NLGN1: variants seen among roughly 807,000 people sequenced by gnomAD.
NLGN1 encodes neuroligin 1.
A neutral mutation model predicts 65.5 loss-of-function variants in NLGN1; 12 were observed. The ratio of observed to expected loss-of-function variants is 0.18; its 90% CI spans 0.12 to 0.30. The LOEUF is 0.30. Ranked by LOEUF, NLGN1 falls within the 10% of genes least tolerant of loss-of-function variation. The pLI is 1.00. For missense variants in NLGN1, 750 were observed against 1,007.1 expected (o/e 0.74, Z 3.46); for synonymous variants, 350 against 359.5 (o/e 0.97, Z 0.30).
At chr3:173,882,634 T>G (rs1210049201) in intron 4 of NLGN1, among the ~76,000 whole-genome samples, 1 of 152,220 alleles carries the variant, frequency 6.6e-6, no homozygotes, top group Non-Finnish European at 1.5e-5. Context: ...CTTCGTCTTC[T>G]CTCTCAGCCT....
chr3:173,406,044 T>G (rs1321462883), intron 1 of NLGN1, among the ~76,000 whole-genome samples: 5 of 152,158 alleles, frequency 3.3e-5, no homozygotes, highest in African/African-American at 1.2e-4. Flanking sequence ...TAAGATTTAT[T>G]GTATCATATA....
At chr3:174,154,991 ATT>A (rs1332534104) in intron 4 of NLGN1, among the ~76,000 whole-genome samples, 4 of 62,044 alleles carry the variant, frequency 6.4e-5, no homozygotes, top group African/African-American at 2.8e-4. Flanking sequence ...TATATTATAT[ATT>A]ATATATATTT....
At chr3:173,704,697 C>T (rs1284123749) in intron 3 of NLGN1, among the ~76,000 whole-genome samples, 1 of 152,156 alleles carries the variant, frequency 6.6e-6, no homozygotes, top group Non-Finnish European at 1.5e-5. Flanking sequence ...TATTCTTAAT[C>T]AGTTAATGAT....
At chr3:174,200,353 A>G (rs116026548) in intron 4 of NLGN1, among the ~76,000 whole-genome samples, 1,760 of 152,348 alleles carry the variant, frequency 0.012, 21 homozygotes, top group African/African-American at 0.038. Flanking sequence ...TCTCAACTCT[A>G]TAACCTCAAT....
chr3:173,993,914 A>G (rs151059205), intron 4 of NLGN1, among the ~76,000 whole-genome samples: 186 of 151,982 alleles, frequency 1.2e-3, no homozygotes, highest in African/African-American at 4.3e-3. Flanking sequence ...ATATATGTAT[A>G]TGAGTGTGTG....
At chr3:174,121,661 TC>T (rs1717803818) in intron 4 of NLGN1, among the ~76,000 whole-genome samples, 1 of 152,220 alleles carries the variant, frequency 6.6e-6, no homozygotes, top group African/African-American at 2.4e-5. Flanking sequence ...TGCTTGAATA[TC>T]CAGTTCTCAT....
At chr3:173,671,104 T>C (rs1170450262) in intron 3 of NLGN1, among the ~76,000 whole-genome samples, 3 of 152,212 alleles carry the variant, frequency 2.0e-5, no homozygotes, top group African/African-American at 4.8e-5. Context: ...TAAATACTTA[T>C]GTGGCCAATC....
chr3:173,485,680 A>G (rs973983330), intron 2 of NLGN1, among the ~76,000 whole-genome samples: 2 of 152,162 alleles, frequency 1.3e-5, no homozygotes, highest in African/African-American at 4.8e-5. Context: ...ACTTTGAGGC[A>G]TCTTTTAAAA....
intron 1 of NLGN1, chr3:173,398,515 T>TTTAA (rs1168931239): frequency 6.6e-6 from 1 of 152,210 alleles, no homozygotes; most frequent in Non-Finnish European, 1.5e-5. Flanking sequence ...ACCACCTGAA[T>TTTAA]TTAAAATTAT....
chr3:174,122,016 G>A (rs1271304977), intron 4 of NLGN1, among the ~76,000 whole-genome samples: 3 of 152,068 alleles, frequency 2.0e-5, no homozygotes, highest in African/African-American at 7.2e-5. Flanking sequence ...CATATATGTG[G>A]AAAATTTTTC....
At chr3:173,833,663 C>T (rs568558361) in intron 4 of NLGN1, among the ~76,000 whole-genome samples, 2 of 152,162 alleles carry the variant, frequency 1.3e-5, no homozygotes, top group South Asian at 4.1e-4. Flanking sequence ...GGTCTGCGGG[C>T]ATGCACCACC....
chr3:174,136,446 T>C (rs1332080264), intron 4 of NLGN1: 1 of 152,066 alleles, frequency 6.6e-6, no homozygotes, highest in East Asian at 1.9e-4. Context: ...TAGGAGAAAA[T>C]TGACACTTAC....
At chr3:173,817,216 C>T (rs1367621440) in intron 4 of NLGN1, among the ~76,000 whole-genome samples, 1 of 152,172 alleles carries the variant, frequency 6.6e-6, no homozygotes, top group Non-Finnish European at 1.5e-5. Flanking sequence ...AGCTGGAATG[C>T]TCAGTGTTAA....
intron 4 of NLGN1, among the ~76,000 whole-genome samples, chr3:173,832,965 A>G (rs183070308): frequency 4.7e-4 from 72 of 152,236 alleles, no homozygotes; most frequent in African/African-American, 1.6e-3. Flanking sequence ...CTATTTCACT[A>G]CGGGATGCAG....
intron 4 of NLGN1, among the ~76,000 whole-genome samples, chr3:174,269,655 T>C (rs186141500): frequency 6.6e-6 from 1 of 152,126 alleles, no homozygotes; most frequent in Admixed American, 6.6e-5. Context: ...GAACATGGAC[T>C]TGCAAATTTC....
intron 3 of NLGN1, among the ~76,000 whole-genome samples, chr3:173,786,142 C>T (rs1578423094): frequency 1.3e-5 from 2 of 152,098 alleles, no homozygotes; most frequent in South Asian, 4.1e-4. Context: ...TTTTTTTATG[C>T]ACATTCATGT....
intron 4 of NLGN1, chr3:174,057,859 A>G (rs1486318406): frequency 6.6e-6 from 1 of 152,102 alleles, no homozygotes; most frequent in African/African-American, 2.4e-5. Context: ...TAGAGAGTAG[A>G]TAATTTTATA....
chr3:174,023,770 T>C (rs374089367), intron 4 of NLGN1, among the ~76,000 whole-genome samples: 79 of 152,136 alleles, frequency 5.2e-4, no homozygotes, highest in African/African-American at 1.9e-3. Flanking sequence ...GTAAGTTTGA[T>C]TGAGCAAAAA....
chr3:173,483,203 A>G (rs1487780571), intron 2 of NLGN1, among the ~76,000 whole-genome samples: 1 of 152,024 alleles, frequency 6.6e-6, no homozygotes, highest in East Asian at 1.9e-4. Context: ...CAGATTCTAA[A>G]CTTCCAAAAT....
Sources: allele counts gnomAD v4.1 joint callset (sites outside exome capture counted in the v4.1 genomes callset), GRCh38; gene constraint gnomAD v4.1.1; transcripts MANE v1.5; gene names NCBI Gene and HGNC (gene_info 2026-07-23, HGNC 2026-07-21).